The following ITGBL1 variants were observed in gnomAD, a reference collection of about 807,000 sequenced individuals.
The protein encoded by ITGBL1 is integrin subunit beta like 1, also known as integrin beta-like protein 1.
A neutral mutation model predicts 68.5 loss-of-function variants in ITGBL1; 51 were observed. That is an observed-to-expected ratio of 0.74 (90% confidence interval 0.59 to 0.94). The LOEUF (loss-of-function observed/expected upper bound fraction) is 0.94. ITGBL1 is among the 40% of genes least tolerant of loss of function. ITGBL1 has a pLI of 0.00. For synonymous variants in ITGBL1, 209 were observed against 227.3 expected (o/e 0.92, Z 0.72); for missense variants, 649 against 647.4 (o/e 1.00, Z -0.03).
intron 7 of ITGBL1, among the ~76,000 whole-genome samples, chr13:101,683,741 G>GT (rs1490425352): frequency 2.0e-5 from 3 of 151,978 alleles, no homozygotes; most frequent in African/African-American, 7.2e-5. Context: ...ATTAGGGTCA[G>GT]TTTTTAAATC....
intron 7 of ITGBL1, among the ~76,000 whole-genome samples, chr13:101,600,241 C>A (rs2030276476): frequency 1.3e-5 from 2 of 152,000 alleles, no homozygotes; most frequent in South Asian, 4.2e-4. Context: ...CTCTGTTTGT[C>A]TGTTGTTGGT....
At chr13:101,528,570 C>G (rs999499162) in intron 2 of ITGBL1, among the ~76,000 whole-genome samples, 2 of 151,652 alleles carry the variant, frequency 1.3e-5, no homozygotes, top group Admixed American at 6.6e-5. Context: ...TGATTTTTAG[C>G]ATTTTATTTT....
intron 2 of ITGBL1, among the ~76,000 whole-genome samples, chr13:101,521,479 G>A (rs993216257): frequency 2.0e-5 from 3 of 152,158 alleles, no homozygotes; most frequent in Admixed American, 2.0e-4. Flanking sequence ...CAAATCCAAA[G>A]GACCTCACTT....
At chr13:101,650,118 T>C (rs1196844444) in intron 7 of ITGBL1, among the ~76,000 whole-genome samples, 1 of 152,240 alleles carries the variant, frequency 6.6e-6, no homozygotes, top group Non-Finnish European at 1.5e-5. Context: ...CTCATGGTAC[T>C]GTTGGGTCTC....
intron 2 of ITGBL1, among the ~76,000 whole-genome samples, chr13:101,469,217 G>A (rs1174265073): frequency 1.3e-5 from 2 of 152,150 alleles, no homozygotes; most frequent in African/African-American, 4.8e-5. Context: ...AGAGAAGAAA[G>A]GCATTTACAG....
intron 7 of ITGBL1, among the ~76,000 whole-genome samples, chr13:101,640,882 C>T (rs1414452523): frequency 6.6e-6 from 1 of 152,114 alleles, no homozygotes; most frequent in Non-Finnish European, 1.5e-5. Context: ...GAGAGCAGTA[C>T]ATTAGCATGT....
intron 7 of ITGBL1, among the ~76,000 whole-genome samples, chr13:101,663,176 A>G (rs976991263): frequency 2.6e-5 from 4 of 152,210 alleles, no homozygotes; most frequent in African/African-American, 7.2e-5. Flanking sequence ...TGTACATTAC[A>G]TAGTAATAAT....
intron 7 of ITGBL1, among the ~76,000 whole-genome samples, chr13:101,621,727 T>C (rs567125310): frequency 6.7e-4 from 102 of 152,294 alleles, no homozygotes; most frequent in African/African-American, 2.3e-3. Context: ...TTCAAAATTT[T>C]TAGTCTCAAA....
At chr13:101,658,350 A>G (rs1338532774) in intron 7 of ITGBL1, among the ~76,000 whole-genome samples, 1 of 152,234 alleles carries the variant, frequency 6.6e-6, no homozygotes, top group Admixed American at 6.5e-5. Context: ...TAGTTAAAAT[A>G]CTAGAAGAAA....
intron 6 of ITGBL1, among the ~76,000 whole-genome samples, chr13:101,594,362 G>A (rs936042150): frequency 6.6e-6 from 1 of 152,072 alleles, no homozygotes; most frequent in Non-Finnish European, 1.5e-5. Context: ...ATGGTGTTGG[G>A]ACAACTGGAT....
intron 7 of ITGBL1, among the ~76,000 whole-genome samples, chr13:101,638,325 A>G (rs982965381): frequency 6.6e-6 from 1 of 150,410 alleles, no homozygotes; most frequent in African/African-American, 2.5e-5. Flanking sequence ...TTGAAGGTCA[A>G]AGGAAAGAGC....
At chr13:101,509,392 C>T (rs55796238) in intron 2 of ITGBL1, among the ~76,000 whole-genome samples, 18,392 of 152,074 alleles carry the variant, frequency 0.12, 1,643 homozygotes, top group African/African-American at 0.25. Context: ...ACCATATAGT[C>T]TTTTATATCT....
At chr13:101,647,918 G>A (rs73556082) in intron 7 of ITGBL1, among the ~76,000 whole-genome samples, 81 of 152,242 alleles carry the variant, frequency 5.3e-4, no homozygotes, top group African/African-American at 1.9e-3. Flanking sequence ...TGGTGGGAGC[G>A]CTGGTGTGCT....
chr13:101,494,325 A>G (rs1025076772), intron 2 of ITGBL1, among the ~76,000 whole-genome samples: 1 of 152,204 alleles, frequency 6.6e-6, no homozygotes, highest in African/African-American at 2.4e-5. Context: ...TTTGGTGACC[A>G]TTTATTCTTC....
chr13:101,466,856 A>G (rs2048388553), intron 2 of ITGBL1, among the ~76,000 whole-genome samples: 1 of 152,176 alleles, frequency 6.6e-6, no homozygotes, highest in African/African-American at 2.4e-5. Flanking sequence ...ACTCCTTTAG[A>G]ATTTGTTGCA....
At chr13:101,492,775 A>C (rs2048798899) in intron 2 of ITGBL1, among the ~76,000 whole-genome samples, 1 of 152,198 alleles carries the variant, frequency 6.6e-6, no homozygotes, top group South Asian at 2.1e-4. Flanking sequence ...GAATTTAGAC[A>C]ATCCTTTCTC....
chr13:101,558,749 T>C (rs1042717505), intron 2 of ITGBL1, among the ~76,000 whole-genome samples: 1 of 152,182 alleles, frequency 6.6e-6, no homozygotes, highest in Non-Finnish European at 1.5e-5. Context: ...TCTGATCTCA[T>C]ATACATTTTT....
At position 101,452,809 on chromosome 13, in the gene ITGBL1, G is replaced by T. The variant is rs373018439; in HGVS notation, c.-25G>T. The T allele has an allele frequency of 3.7e-6, 6 of 1,600,952 alleles. No homozygotes were observed. The highest frequency in any genetic ancestry group is 2.7e-5 in the African/African-American group (2 of 74,660). On this transcript the variant is annotated 5_prime_UTR_variant, in exon 1 of 11. Coordinates refer to ENST00000376180, the MANE Select transcript of ITGBL1 (RefSeq NM_004791.3). ...ACCCCACCTTGCAGAAGTGCAGCTCGCCCGGAGCAGCCCAGGAGCTCAGCA... is the reference window on the plus strand; with the variant it reads ...ACCCCACCTTGCAGAAGTGCAGCTCTCCCGGAGCAGCCCAGGAGCTCAGCA...
chr13:101,630,957 T>C (rs537339129), intron 7 of ITGBL1, among the ~76,000 whole-genome samples: 1 of 152,328 alleles, frequency 6.6e-6, no homozygotes, highest in East Asian at 1.9e-4. Flanking sequence ...GTGTTCTGAA[T>C]TCGACTTGTC....
Sources: allele counts gnomAD v4.1 joint callset (sites outside exome capture counted in the v4.1 genomes callset), GRCh38; gene constraint gnomAD v4.1.1; transcripts MANE v1.5; gene names NCBI Gene and HGNC (gene_info 2026-07-23, HGNC 2026-07-21).